CFAP44: variants seen among roughly 807,000 people sequenced by gnomAD.
CFAP44 encodes cilia and flagella associated protein 44.
A neutral mutation model predicts 216.2 loss-of-function variants in CFAP44; 134 were observed. That is an observed-to-expected ratio of 0.62 (90% CI 0.54 to 0.72). CFAP44 has a LOEUF of 0.72. CFAP44 is among the 30% of genes least tolerant of loss of function. CFAP44 has a pLI of 0.00. For missense variants in CFAP44, 2,035 were observed against 2,182.1 expected, an observed-to-expected ratio of 0.93 and a Z score of 1.34; for synonymous variants, 700 against 727.6, an observed-to-expected ratio of 0.96 and a Z score of 0.61.
At chr3:113,349,011 C>T (rs1289782995) in intron 22 of CFAP44, among the ~76,000 whole-genome samples, 1 of 152,166 alleles carries the variant, frequency 6.6e-6, no homozygotes, top group Non-Finnish European at 1.5e-5. Flanking sequence ...GACAAATTCC[C>T]TACCAGTCAG....
chr3:113,381,323 G>T (rs1933502771), intron 15 of CFAP44, among the ~76,000 whole-genome samples: 3 of 152,062 alleles, frequency 2.0e-5, no homozygotes. Context: ...CTTTATAGAT[G>T]CTATAACATA....
Position 113,390,499 on chromosome 3 carries a change from T to A in CFAP44, c.1890+5251A>T, listed in dbSNP as rs4682486. 1.9e-3 allele frequency among the ~76,000 whole-genome samples: 290 copies of A among 151,896 alleles called. 2 individuals carry two copies. The highest frequency in any genetic ancestry group is 5.7e-3 in the African/African-American group (237 of 41,452). On this transcript the variant is annotated intron_variant, in intron 15 of 34. Transcript: ENST00000393845. ...ATAGTACTGGAAGTTCTAGATAGAG[T>A]AATCAGATAAGAAAGAAATAAAGGG... is the stretch of plus-strand genomic sequence containing the variant.
chr3:113,440,179 T>G (rs1935328290), intron 1 of CFAP44, among the ~76,000 whole-genome samples: 1 of 152,190 alleles, frequency 6.6e-6, no homozygotes, highest in African/African-American at 2.4e-5. Flanking sequence ...TTCTCGTGCC[T>G]CAGCCTCCCG....
intron 1 of CFAP44, among the ~76,000 whole-genome samples, chr3:113,438,481 G>A (rs560528121): frequency 6.6e-6 from 1 of 152,134 alleles, no homozygotes; most frequent in Admixed American, 6.5e-5. Context: ...AGCACCTACT[G>A]GATAAGGTTG....
At chr3:113,398,712 C>T (rs974389454) in intron 13 of CFAP44, among the ~76,000 whole-genome samples, 2 of 152,144 alleles carry the variant, frequency 1.3e-5, no homozygotes, top group African/African-American at 4.8e-5. Context: ...TGAAATTCCC[C>T]CTAATTCCAA....
chr3:113,439,657 T>C (rs1470499315), intron 1 of CFAP44, among the ~76,000 whole-genome samples: 1 of 152,230 alleles, frequency 6.6e-6, no homozygotes, highest in African/African-American at 2.4e-5. Flanking sequence ...TTATTTAGGT[T>C]GACAGGGTCA....
chr3:113,424,543 G>A (rs1213809366), intron 4 of CFAP44, among the ~76,000 whole-genome samples: 2 of 152,154 alleles, frequency 1.3e-5, no homozygotes, highest in African/African-American at 4.8e-5. Context: ...AATACCTGAT[G>A]GCTGACTTGT....
chr3:113,393,618 C>T (rs910519432), intron 15 of CFAP44, among the ~76,000 whole-genome samples: 6 of 152,110 alleles, frequency 3.9e-5, no homozygotes, highest in South Asian at 2.1e-4. Flanking sequence ...CAGCCTCAAG[C>T]GATCCTCCCA....
chr3:113,356,947 C>T (rs780199280), intron 22 of CFAP44, among the ~76,000 whole-genome samples: 5 of 151,358 alleles, frequency 3.3e-5, no homozygotes, highest in African/African-American at 9.8e-5. Flanking sequence ...ATGTCATATA[C>T]GTAGTCACTC....
intron 15 of CFAP44, among the ~76,000 whole-genome samples, chr3:113,390,302 C>A (rs1933761345): frequency 6.6e-6 from 1 of 152,180 alleles, no homozygotes; most frequent in South Asian, 2.1e-4. Flanking sequence ...AACATCCCAT[C>A]ATGACAAAAA....
intron 28 of CFAP44, among the ~76,000 whole-genome samples, chr3:113,323,172 A>G (rs1011884533): frequency 5.9e-5 from 9 of 152,232 alleles, no homozygotes; most frequent in Non-Finnish European, 1.0e-4. Context: ...CAGCCAAACC[A>G]TAACACTGTG....
chr3:113,427,427 T>A, intron 2 of CFAP44, 88 bp from the exon 3 acceptor site: 1 of 987,660 alleles, frequency 1.0e-6, no homozygotes, highest in Non-Finnish European at 1.5e-6. Context: ...TTCCTTGTGC[T>A]ATAGATGTAA....
chr3:113,322,779 A>G (rs1217510139), intron 28 of CFAP44, among the ~76,000 whole-genome samples: 1 of 152,190 alleles, frequency 6.6e-6, no homozygotes, highest in East Asian at 1.9e-4. Flanking sequence ...AGACATATGC[A>G]CTCATGTTCA....
intron 10 of CFAP44, 90 bp from the exon 11 acceptor site, chr3:113,401,377 C>A: frequency 7.7e-7 from 1 of 1,292,558 alleles, no homozygotes; most frequent in South Asian, 1.4e-5. Context: ...AAAGTAAGGA[C>A]AAGCAATAAT....
chr3:113,302,750 G>A (rs560842165), intron 32 of CFAP44, among the ~76,000 whole-genome samples: 1 of 139,826 alleles, frequency 7.2e-6, no homozygotes, highest in African/African-American at 2.7e-5. Flanking sequence ...TCCAGCCTGG[G>A]CGATAGAGTG....
Position 113,289,394 on chromosome 3 carries a change from G to C in CFAP44, c.*2163C>G, listed in dbSNP as rs1949806892. On this transcript the variant is annotated 3_prime_UTR_variant, in exon 35 of 35. Transcript: ENST00000393845. The stretch of plus-strand genomic sequence containing the variant: ...CAAGTCCTGATGTGGCTCTTCTGTA[G>C]ACTGTAGGTCCATTCTTGCTGCAAT... 1 of 152,164 alleles carries C rather than the reference G, an allele frequency of 6.6e-6. No homozygotes were observed. Among genetic ancestry groups the C allele is most frequent in the Admixed American group, 6.5e-5 (1 of 15,282 alleles). 9.4% of individuals were successfully genotyped at this position (152,164 alleles called of 1,614,324 possible).
At position 113,288,494 on chromosome 3, in the gene CFAP44, G is replaced by C. The variant is rs949637589; in HGVS notation, c.*3063C>G. 1 of 152,288 alleles carries C rather than the reference G, an allele frequency of 6.6e-6. No individual in the cohort carries two copies. Among genetic ancestry groups the C allele is most frequent in the Admixed American group, 6.5e-5 (1 of 15,288 alleles). The allele number at this position is 152,288 out of a possible 1,614,324, so 9.4% of individuals were successfully genotyped here. Reference sequence around the variant, plus strand: ...GTGATTTCAGACAACCTGGCATCACGGCCCAGAGCTCACTTCTGGGGTGGG... The same window carrying C: ...GTGATTTCAGACAACCTGGCATCACCGCCCAGAGCTCACTTCTGGGGTGGG... On this transcript the variant is annotated 3_prime_UTR_variant, in exon 35 of 35. Coordinates refer to ENST00000393845, the MANE Select transcript of CFAP44 (RefSeq NM_001164496.2).
intron 5 of CFAP44, among the ~76,000 whole-genome samples, chr3:113,419,743 C>T (rs1002719938): frequency 2.6e-5 from 4 of 152,262 alleles, no homozygotes; most frequent in Middle Eastern, 3.4e-3. Context: ...AAAACTTGCA[C>T]GACTATGGGG....
chr3:113,313,254 C>T (rs1950056483), intron 28 of CFAP44, among the ~76,000 whole-genome samples: 1 of 152,104 alleles, frequency 6.6e-6, no homozygotes, highest in Non-Finnish European at 1.5e-5. Context: ...TGTGACTGCC[C>T]TGCTGGATTT....
Sources: gnomAD v4.1 joint callset for allele counts (sites outside exome capture counted in the v4.1 genomes callset) on GRCh38, gnomAD v4.1.1 for gene constraint, MANE v1.5 for transcripts, NCBI Gene and HGNC (gene_info 2026-07-23, HGNC 2026-07-21) for gene names.